Variants in GLRX5 observed in about 807,000 individuals in gnomAD.
GLRX5 encodes glutaredoxin-related protein 5, mitochondrial.
In GLRX5, 10 loss-of-function variants were observed where a neutral mutation model predicts 13.8. That is an observed-to-expected ratio of 0.72 (90% CI 0.45 to 1.23). GLRX5 has a LOEUF of 1.23. Ranked by LOEUF, GLRX5 falls within the 50% of genes most tolerant of loss-of-function variation. The probability of loss-of-function intolerance (pLI) is 0.00; values close to 1 mark genes in which losing one functional copy is unlikely to be tolerated. For synonymous variants in GLRX5, 98 were observed against 101.1 expected, an observed-to-expected ratio of 0.97 and a Z score of 0.18; for missense variants, 233 against 215.2, an observed-to-expected ratio of 1.08 and a Z score of -0.52.
At chr14:95,535,433 A>G in intron 1 of GLRX5, 49 bp downstream of exon 1, 1 of 1,509,976 alleles carries the variant, frequency 6.6e-7, no homozygotes, top group Non-Finnish European at 8.9e-7. Flanking sequence ...GCCCAGGAGC[A>G]TCGCTGCACG....
intron 1 of GLRX5, chr14:95,543,732 C>A: frequency 1.8e-6 from 1 of 570,146 alleles, no homozygotes; most frequent in Admixed American, 3.0e-5. Flanking sequence ...TGTCTGAGGG[C>A]TGACGGTTTG....
In GLRX5 at chr14:95,543,988, T is replaced by C. The variant is rs1292172453; in HGVS notation, c.337T>C (p.Tyr113His). Residue 113 changes from tyrosine to histidine, a missense_variant, in exon 2 of 2, where the codon TAC becomes CAC. Tyr to His is a moderately conservative substitution (Grantham distance 83). Coordinates refer to ENST00000331334, the MANE Select transcript of GLRX5 (RefSeq NM_016417.3). ...YSNWPTIPQV[Y>H]LNGEFVGGCD... is the part of the protein sequence containing the mutation. The stretch of plus-strand genomic sequence containing the variant: ...CAACTGGCCCACCATCCCGCAAGTG[T>C]ACCTCAATGGCGAGTTTGTAGGGGG... 1 of 1,614,102 alleles carries C rather than the reference T, an allele frequency of 6.2e-7. No homozygotes were observed. Among genetic ancestry groups the C allele is most frequent in the South Asian group, 1.1e-5 (1 of 91,088 alleles).
At position 95,535,513 on chromosome 14, in the gene GLRX5, G is replaced by C. The variant is rs2295833; in HGVS notation, c.295+129G>C. On this transcript the variant is annotated intron_variant, in intron 1 of 1. Coordinates refer to ENST00000331334, the MANE Select transcript of GLRX5 (RefSeq NM_016417.3). The stretch of plus-strand genomic sequence containing the variant: ...TCCGCCGGGGTCTGTCTGAAGGTTC[G>C]AGCCGGGTTAGGGCGAGGAGTACTG... 5,559 of 910,656 alleles carry C rather than the reference G, an allele frequency of 6.1e-3. 208 individuals carry two copies. The East Asian group carries it at 0.1, about 17-fold the overall frequency. 56.4% of individuals were successfully genotyped at this position (910,656 alleles called of 1,614,324 possible). A position where few individuals can be genotyped will look rare whatever the true frequency, so the allele number is the denominator to read the frequency against.
At chr14:95,543,847 C>G (rs1014136470) in intron 1 of GLRX5, 100 bp from the exon 2 acceptor site, 2 of 998,086 alleles carry the variant, frequency 2.0e-6, no homozygotes. Context: ...CAGGGAGGGA[C>G]AGTGGGTTGT....
intron 1 of GLRX5, among the ~76,000 whole-genome samples, chr14:95,538,097 G>GT (rs10531529): frequency 1.1e-4 from 17 of 151,210 alleles, no homozygotes; most frequent in East Asian, 7.8e-4. Context: ...GTTCCTAACA[G>GT]TTTTTTTTTT....
intron 1 of GLRX5, 98 bp from the exon 2 acceptor site, chr14:95,543,849 G>A: frequency 9.7e-7 from 1 of 1,035,398 alleles, no homozygotes; most frequent in East Asian, 2.4e-5. Flanking sequence ...GGGAGGGACA[G>A]TGGGTTGTCT....
At chr14:95,539,673 C>T in intron 1 of GLRX5, among the ~76,000 whole-genome samples, 1 of 152,108 alleles carries the variant, frequency 6.6e-6, no homozygotes, top group East Asian at 1.9e-4. Flanking sequence ...TTTTGTACTC[C>T]TGGAAGCCTG....
At chr14:95,539,003 C>T (rs186581433) in intron 1 of GLRX5, among the ~76,000 whole-genome samples, 337 of 152,338 alleles carry the variant, frequency 2.2e-3, no homozygotes, top group African/African-American at 7.8e-3. Flanking sequence ...AGGAGGTAAG[C>T]GGTGGGTAAG....
In GLRX5 at chr14:95,535,224, G is replaced by A; in HGVS notation, c.135G>A (p.Leu45=). 1 of 1,552,086 alleles carries A rather than the reference G, an allele frequency of 6.4e-7. No homozygotes were observed. Among genetic ancestry groups the A allele is most frequent in the African/African-American group, 1.4e-5 (1 of 72,352 alleles). ...GAGGGGSAEQ[L]DALVKKDKVV... ...GCGGCGGCGGCTCGGCGGAGCAGTT[G>A]GACGCGCTGGTGAAGAAGGACAAGG... The change falls in exon 1 of 2, where the codon TTG becomes TTA. Residue 45 remains leucine (L), a synonymous_variant. Coordinates refer to ENST00000331334, the MANE Select transcript of GLRX5 (RefSeq NM_016417.3).
At position 95,544,499 on chromosome 14, in the gene GLRX5, G is replaced by A; in HGVS notation, c.*374G>A. ...AAGAGAGTATCTCCCCCCAAATTTT[G>A]TGTAGCTTCTTTTGTTATGGAAAAT... On this transcript the variant is annotated 3_prime_UTR_variant, in exon 2 of 2. Transcript: ENST00000331334. 1 of 212,508 alleles carries A rather than the reference G, an allele frequency of 4.7e-6. No individual in the cohort carries two copies. 13.2% of individuals were successfully genotyped at this position (212,508 alleles called of 1,614,324 possible).
intron 1 of GLRX5, among the ~76,000 whole-genome samples, chr14:95,537,458 G>C (rs1891400357): frequency 1.3e-5 from 2 of 152,182 alleles, no homozygotes; most frequent in African/African-American, 4.8e-5. Flanking sequence ...TTATTGATTA[G>C]AAAAGTAAAG....
chr14:95,535,503 C>G, intron 1 of GLRX5, 119 bp downstream of exon 1: 1 of 1,015,808 alleles, frequency 9.8e-7, no homozygotes, highest in Non-Finnish European at 1.4e-6. Flanking sequence ...CGGGGTCTGT[C>G]TGAAGGTTCG....
Position 95,535,370 on chromosome 14 carries a change from C to T in GLRX5, c.281C>T (p.Pro94Leu), listed in dbSNP as rs1046905027. 7.1e-6 allele frequency: 11 copies of T among 1,550,678 alleles called. No individual in the cohort carries two copies. The highest frequency in any genetic ancestry group is 8.7e-6 in the Non-Finnish European group (10 of 1,147,548). Residue 94 changes from proline (P) to leucine (L), a missense_variant, in exon 1 of 2, where the codon CCG becomes CTG. Coordinates refer to ENST00000331334, the MANE Select transcript of GLRX5 (RefSeq NM_016417.3). ...DYAAYNVLDD[P>L]ELRQGIKDYS... ...GCGGCCTACAACGTGCTGGACGACC[C>T]GGAGCTCCGACAAGGTCAGGCCAGT...
intron 1 of GLRX5, among the ~76,000 whole-genome samples, chr14:95,540,004 C>T (rs1301634033): frequency 6.6e-6 from 1 of 152,064 alleles, no homozygotes; most frequent in Non-Finnish European, 1.5e-5. Flanking sequence ...ATTCTCCTGC[C>T]TCAGCCTCCC....
intron 1 of GLRX5, among the ~76,000 whole-genome samples, chr14:95,540,543 G>A (rs566790298): frequency 5.9e-5 from 9 of 152,314 alleles, no homozygotes; most frequent in African/African-American, 1.4e-4. Context: ...ACTCTGCCCC[G>A]TGCCTTGCTT....
At chr14:95,539,883 GTATA>G (rs200200501) in intron 1 of GLRX5, among the ~76,000 whole-genome samples, 4 of 108,240 alleles carry the variant, frequency 3.7e-5, no homozygotes, top group African/African-American at 1.3e-4. Context: ...TCAATAAATG[GTATA>G]TATATATATA....
In GLRX5 at chr14:95,536,745, C is replaced by G. The variant is rs150314968; in HGVS notation, c.295+1361C>G. 3.2e-3 allele frequency among the ~76,000 whole-genome samples: 486 copies of G among 152,302 alleles called. 5 individuals carry two copies. The highest frequency in any genetic ancestry group is 0.011 in the African/African-American group (470 of 41,558). On this transcript the variant is annotated intron_variant, in intron 1 of 1. Transcript: ENST00000331334. ...CTTCGTATTAGCACTTGATGGTTTT[C>G]AAATGTATTTTTTCCCAGATTATCT...
Position 95,535,391 on chromosome 14 carries a change from C to A in GLRX5, c.295+7C>A. The A allele has an allele frequency of 6.5e-7, 1 of 1,547,328 alleles. No homozygotes were observed. The highest frequency in any genetic ancestry group is 8.7e-7 in the Non-Finnish European group (1 of 1,146,030). On this transcript the variant is annotated splice_region_variant and intron_variant, in intron 1 of 1. Transcript: ENST00000331334. ...GACCCGGAGCTCCGACAAGGTCAGG[C>A]CAGTGTGCCGGGCAGGCGCCCTCCG...
At chr14:95,539,013 G>A (rs1337305294) in intron 1 of GLRX5, among the ~76,000 whole-genome samples, 2 of 152,230 alleles carry the variant, frequency 1.3e-5, no homozygotes, top group Admixed American at 6.5e-5. Flanking sequence ...CGGTGGGTAA[G>A]TGAGCTTTAC....
Sources: gnomAD v4.1 joint callset for allele counts (sites outside exome capture counted in the v4.1 genomes callset) on GRCh38, gnomAD v4.1.1 for gene constraint, MANE v1.5 for transcripts, NCBI Gene and HGNC (gene_info 2026-07-23, HGNC 2026-07-21) for gene names.